C8orf34: variants seen among roughly 807,000 people sequenced by gnomAD.
C8orf34 encodes the protein uncharacterized protein C8orf34.
A neutral mutation model predicts 68.3 loss-of-function variants in C8orf34; 65 were observed. That is an observed-to-expected ratio of 0.95 (90% CI 0.78 to 1.17). The LOEUF is 1.17. C8orf34 is among the 50% of genes most tolerant of loss of function. The pLI is 0.00. For missense variants in C8orf34, 664 were observed against 655.4 expected (o/e 1.01, Z -0.14); for synonymous variants, 244 against 241.2 (o/e 1.01, Z -0.11).
rs575545775 is a variant in C8orf34, at chr8:68,478,173, A to G, written c.736+9353A>G. On this transcript the variant is annotated intron_variant, in intron 4 of 13. Transcript: ENST00000518698. ...CAGCCTGCAAAATTTTCAAGTTTTTATGCTCTGCTTCCCTTTTAAACATAA... is the reference window on the plus strand; with the variant it reads ...CAGCCTGCAAAATTTTCAAGTTTTTGTGCTCTGCTTCCCTTTTAAACATAA... 6.6e-5 allele frequency among the ~76,000 whole-genome samples: 10 copies of G among 152,236 alleles called. No individual in the cohort carries two copies. In the East Asian group the frequency reaches 9.7e-4, roughly 15 times the overall value.
intron 1 of C8orf34, among the ~76,000 whole-genome samples, chr8:68,396,006 T>C (rs897492915): frequency 1.3e-5 from 2 of 152,050 alleles, no homozygotes; most frequent in African/African-American, 4.8e-5. Context: ...GATATAGAAG[T>C]TTAGCAACTC....
At chr8:68,733,187 A>C (rs1363325010) in intron 10 of C8orf34, among the ~76,000 whole-genome samples, 1 of 152,174 alleles carries the variant, frequency 6.6e-6, no homozygotes, top group Non-Finnish European at 1.5e-5. Flanking sequence ...GCTAATATTT[A>C]TTAAATCTTT....
chr8:68,652,257 T>G (rs939341445), intron 8 of C8orf34, among the ~76,000 whole-genome samples: 1 of 152,218 alleles, frequency 6.6e-6, no homozygotes, highest in Admixed American at 6.5e-5. Flanking sequence ...CATTTTTAAT[T>G]TGGGCTATTG....
intron 7 of C8orf34, among the ~76,000 whole-genome samples, chr8:68,563,671 A>T (rs369594679): frequency 3.1e-4 from 47 of 151,990 alleles, no homozygotes; most frequent in African/African-American, 1.0e-3. Flanking sequence ...AAAAAAAAAG[A>T]CATGAACTCC....
chr8:68,654,807 A>G (rs1819466635), intron 8 of C8orf34, among the ~76,000 whole-genome samples: 1 of 152,186 alleles, frequency 6.6e-6, no homozygotes, highest in African/African-American at 2.4e-5. Flanking sequence ...TGCCTGAAAA[A>G]TTCTTTTGAC....
intron 1 of C8orf34, among the ~76,000 whole-genome samples, chr8:68,384,064 G>A (rs1416091458): frequency 2.6e-5 from 4 of 152,216 alleles, no homozygotes; most frequent in Non-Finnish European, 5.9e-5. Flanking sequence ...CAGAAGACAT[G>A]ATAGGAAGGA....
chr8:68,750,095 A>G (rs113295446), intron 10 of C8orf34, among the ~76,000 whole-genome samples: 1 of 152,180 alleles, frequency 6.6e-6, no homozygotes, highest in African/African-American at 2.4e-5. Context: ...GAATTACCAA[A>G]TAGTCTACCA....
intron 8 of C8orf34, among the ~76,000 whole-genome samples, chr8:68,685,774 G>A (rs1467490292): frequency 6.6e-6 from 1 of 151,964 alleles, no homozygotes; most frequent in Non-Finnish European, 1.5e-5. Flanking sequence ...TACTCAGGAG[G>A]CTGAGGTGAA....
At chr8:68,552,103 A>G (rs895867650) in intron 7 of C8orf34, among the ~76,000 whole-genome samples, 7 of 152,128 alleles carry the variant, frequency 4.6e-5, no homozygotes, top group Admixed American at 2.6e-4. Flanking sequence ...TGTCTTTATG[A>G]CAATACCACA....
intron 10 of C8orf34, among the ~76,000 whole-genome samples, chr8:68,755,903 A>G (rs1822841158): frequency 7.2e-6 from 1 of 138,350 alleles, no homozygotes; most frequent in Non-Finnish European, 1.5e-5. Context: ...TACTAAAAAT[A>G]CAAAAAAAAA....
At chr8:68,370,652 A>G (rs1306698061) in intron 1 of C8orf34, among the ~76,000 whole-genome samples, 2 of 152,110 alleles carry the variant, frequency 1.3e-5, no homozygotes, top group African/African-American at 4.8e-5. Flanking sequence ...CCTTTGTATC[A>G]TGATTTACTG....
intron 4 of C8orf34, among the ~76,000 whole-genome samples, chr8:68,471,925 A>AACAT (rs1812393392): frequency 6.8e-6 from 1 of 147,376 alleles, no homozygotes; most frequent in Non-Finnish European, 1.5e-5. Context: ...GACTTAAATG[A>AACAT]ACACACACAC....
intron 2 of C8orf34, among the ~76,000 whole-genome samples, chr8:68,443,943 T>C (rs966821047): frequency 2.0e-5 from 3 of 148,880 alleles, no homozygotes; most frequent in African/African-American, 5.0e-5. Context: ...TGAATACTTA[T>C]GAATTTTTTT....
intron 10 of C8orf34, among the ~76,000 whole-genome samples, chr8:68,759,575 G>A (rs923816670): frequency 2.0e-5 from 3 of 152,176 alleles, no homozygotes; most frequent in Non-Finnish European, 2.9e-5. Context: ...ATGCCAAGAA[G>A]TACCTTGTCG....
intron 10 of C8orf34, among the ~76,000 whole-genome samples, chr8:68,748,703 G>A (rs1478989862): frequency 6.6e-6 from 1 of 151,758 alleles, no homozygotes; most frequent in Non-Finnish European, 1.5e-5. Context: ...TCTCACACCA[G>A]TTAGAATGGC....
chr8:68,732,802 C>T (rs918618373), intron 10 of C8orf34, among the ~76,000 whole-genome samples: 1 of 152,144 alleles, frequency 6.6e-6, no homozygotes, highest in African/African-American at 2.4e-5. Context: ...AGAAGCTGGG[C>T]GTGTAATCCC....
chr8:68,745,431 C>T (rs975551977), intron 10 of C8orf34, among the ~76,000 whole-genome samples: 9 of 152,088 alleles, frequency 5.9e-5, no homozygotes, highest in African/African-American at 1.7e-4. Context: ...TTAAAAGACA[C>T]ACACTGGCAA....
intron 5 of C8orf34, among the ~76,000 whole-genome samples, chr8:68,509,043 T>G (rs985286052): frequency 4.0e-5 from 6 of 151,762 alleles, no homozygotes; most frequent in African/African-American, 1.5e-4. Flanking sequence ...TCAGTTGGAG[T>G]TTTTCTGGGG....
rs372869472 is a variant in C8orf34 at position 68,676,502 on chromosome 8, G to A, written c.1242-32492G>A. Reference sequence around the variant, plus strand: ...CAGAAAATCAACAAAGAAACATCAGGCTTAATCTGCATTATAAACCAAATG... The same window carrying A: ...CAGAAAATCAACAAAGAAACATCAGACTTAATCTGCATTATAAACCAAATG... On this transcript the variant is annotated intron_variant, in intron 8 of 13. Transcript: ENST00000518698. Among the ~76,000 whole-genome samples, 19 of 152,142 alleles carry A rather than the reference G, an allele frequency of 1.2e-4. No individual in the cohort carries two copies. In the East Asian group the frequency reaches 3.3e-3, roughly 26 times the overall value.
Sources: gnomAD v4.1 joint callset for allele counts (sites outside exome capture counted in the v4.1 genomes callset) on GRCh38, gnomAD v4.1.1 for gene constraint, MANE v1.5 for transcripts, NCBI Gene and HGNC (gene_info 2026-07-23, HGNC 2026-07-21) for gene names.